DLG2: variants seen among roughly 807,000 people sequenced by gnomAD.
The protein encoded by DLG2 is disks large homolog 2.
Under a neutral mutation model 132.5 loss-of-function variants are expected in DLG2, and 45 were observed. That is an observed-to-expected ratio of 0.34 (90% CI 0.27 to 0.44). The LOEUF (loss-of-function observed/expected upper bound fraction) is 0.44, where lower values mean the gene tolerates loss of function less well. DLG2 is among the 20% of genes least tolerant of loss of function. The pLI is 1.00. For missense variants in DLG2, 1,045 were observed against 1,196.9 expected, an observed-to-expected ratio of 0.87 and a Z score of 1.87; for synonymous variants, 424 against 419.6, an observed-to-expected ratio of 1.01 and a Z score of -0.13.
chr11:84,389,341 T>G (rs7130145), intron 7 of DLG2, among the ~76,000 whole-genome samples: 10,790 of 152,138 alleles, frequency 0.071, 1,298 homozygotes, highest in African/African-American at 0.25. Context: ...CTGATGTTTT[T>G]AAACTTCTGT....
chr11:83,623,323 A>G (rs1177756757), intron 19 of DLG2, among the ~76,000 whole-genome samples: 2 of 152,242 alleles, frequency 1.3e-5, no homozygotes, highest in African/African-American at 4.8e-5. Context: ...CAAGGAGCCT[A>G]GTCAGTAAAC....
chr11:85,143,456 T>C (rs1303486099), intron 5 of DLG2, among the ~76,000 whole-genome samples: 1 of 151,708 alleles, frequency 6.6e-6, no homozygotes, highest in African/African-American at 2.4e-5. Context: ...GGCTAAAAGT[T>C]TGTTGATTTA....
intron 7 of DLG2, among the ~76,000 whole-genome samples, chr11:84,279,466 C>A (rs989491190): frequency 1.3e-5 from 2 of 152,000 alleles, no homozygotes; most frequent in African/African-American, 4.8e-5. Flanking sequence ...CGGTATATAC[C>A]CAAAGGATTA....
At chr11:84,680,281 C>A (rs2099725479) in intron 6 of DLG2, among the ~76,000 whole-genome samples, 2 of 152,128 alleles carry the variant, frequency 1.3e-5, no homozygotes, top group African/African-American at 4.8e-5. Context: ...TACCCTGTCA[C>A]AATTCTGCTT....
intron 6 of DLG2, among the ~76,000 whole-genome samples, chr11:84,674,589 A>G (rs780074303): frequency 1.3e-5 from 2 of 152,102 alleles, no homozygotes; most frequent in Non-Finnish European, 2.9e-5. Flanking sequence ...CTGAACTTCA[A>G]TCATCATGGC....
At chr11:84,358,033 C>T (rs1404993577) in intron 7 of DLG2, among the ~76,000 whole-genome samples, 1 of 151,904 alleles carries the variant, frequency 6.6e-6, no homozygotes, top group Non-Finnish European at 1.5e-5. Flanking sequence ...ACTACAATGA[C>T]AATTACCCAT....
At chr11:84,821,430 A>G (rs1252593240) in intron 6 of DLG2, among the ~76,000 whole-genome samples, 3 of 151,766 alleles carry the variant, frequency 2.0e-5, no homozygotes, top group Admixed American at 6.6e-5. Context: ...ACGTGACCAT[A>G]TTCCAATAAA....
chr11:84,537,082 A>C (rs1565228514), intron 6 of DLG2, among the ~76,000 whole-genome samples: 1 of 151,134 alleles, frequency 6.6e-6, no homozygotes, highest in South Asian at 2.1e-4. Flanking sequence ...ACTACTATAT[A>C]TGCTGAACCC....
At chr11:83,637,372 T>C (rs1309987510) in intron 18 of DLG2, among the ~76,000 whole-genome samples, 3 of 152,206 alleles carry the variant, frequency 2.0e-5, no homozygotes, top group African/African-American at 4.8e-5. Context: ...TATCATCCAA[T>C]GTGGAATTCA....
rs561664869 is a variant in DLG2, at chr11:83,745,039, A to T, written c.1825+41651T>A. 2.0e-5 allele frequency among the ~76,000 whole-genome samples: 3 copies of T among 152,350 alleles called. No individual in the cohort carries two copies. The South Asian group carries it at 6.2e-4, about 32-fold the overall frequency. On this transcript the variant is annotated intron_variant, in intron 18 of 27. Coordinates refer to ENST00000376104, the MANE Select transcript of DLG2 (RefSeq NM_001142699.3). The stretch of plus-strand genomic sequence containing the variant: ...TCATACCTGTCATCAGCAATTAGCG[A>T]AAGCAACCAAAAATACGAATCTCAG...
In DLG2 at chr11:83,878,637, G is replaced by T. The variant is rs139241689; in HGVS notation, c.1497-4149C>A. Among the ~76,000 whole-genome samples, 307 of 152,194 alleles carry T rather than the reference G, an allele frequency of 2.0e-3. 1 individual carries two copies. Among genetic ancestry groups the T allele is most frequent in the African/African-American group, 6.8e-3 (283 of 41,528 alleles). ...GACTTTTGAAGATGATTTTTATGAAGATCACTTAATAAAGGAACTTCTCTG... is the reference window on the plus strand; with the variant it reads ...GACTTTTGAAGATGATTTTTATGAATATCACTTAATAAAGGAACTTCTCTG... On this transcript the variant is annotated intron_variant, in intron 15 of 27. Transcript: ENST00000376104.
intron 7 of DLG2, among the ~76,000 whole-genome samples, chr11:84,498,745 C>T (rs139964606): frequency 2.0e-3 from 302 of 152,322 alleles, no homozygotes; most frequent in African/African-American, 6.6e-3. Flanking sequence ...GTTTTCAAAA[C>T]ACTCTCTTAT....
chr11:85,452,497 G>T, intron 3 of DLG2: 1 of 188,702 alleles, frequency 5.3e-6, no homozygotes. Context: ...GGGTGGAGTA[G>T]TGCCACCATA....
intron 7 of DLG2, among the ~76,000 whole-genome samples, chr11:84,424,448 T>TA (rs941039858): frequency 2.6e-5 from 4 of 151,664 alleles, no homozygotes; most frequent in Admixed American, 6.6e-5. Context: ...TATATTCATT[T>TA]AAAAAAAAAC....
At chr11:85,059,317 A>T (rs1397245763) in intron 6 of DLG2, among the ~76,000 whole-genome samples, 2 of 151,512 alleles carry the variant, frequency 1.3e-5, no homozygotes, top group African/African-American at 4.8e-5. Context: ...TGCTGGTGGG[A>T]GTATAGATTT....
At chr11:85,192,079 T>A (rs887689357) in intron 4 of DLG2, among the ~76,000 whole-genome samples, 2 of 152,182 alleles carry the variant, frequency 1.3e-5, no homozygotes, top group South Asian at 2.1e-4. Context: ...TTGATCTGAC[T>A]ACAAATTTAC....
chr11:84,270,651 A>C (rs2154363736), intron 7 of DLG2, among the ~76,000 whole-genome samples: 1 of 152,300 alleles, frequency 6.6e-6, no homozygotes, highest in East Asian at 1.9e-4. Flanking sequence ...TGTGTGAGTG[A>C]GATGATCCGG....
chr11:83,932,600 G>A (rs1016537230), intron 14 of DLG2, among the ~76,000 whole-genome samples: 4 of 152,222 alleles, frequency 2.6e-5, no homozygotes, highest in Admixed American at 2.0e-4. Flanking sequence ...TGTATATTAT[G>A]TACTAGAGCA....
intron 19 of DLG2, among the ~76,000 whole-genome samples, chr11:83,599,530 G>T (rs1211134514): frequency 2.0e-5 from 3 of 152,114 alleles, no homozygotes; most frequent in African/African-American, 7.2e-5. Context: ...AACCCATCTT[G>T]CCCTTCCTTT....
Sources: allele counts gnomAD v4.1 joint callset (sites outside exome capture counted in the v4.1 genomes callset), GRCh38; gene constraint gnomAD v4.1.1; transcripts MANE v1.5; gene names NCBI Gene and HGNC (gene_info 2026-07-23, HGNC 2026-07-21).